The following OPTN variants were observed in gnomAD, a reference collection of about 807,000 sequenced individuals.
OPTN encodes E3-14.7K-interacting protein.
In OPTN, 54 loss-of-function variants were observed where a neutral mutation model predicts 70.4. The observed-to-expected ratio is 0.77, with a 90% CI of 0.62 to 0.96. The LOEUF (loss-of-function observed/expected upper bound fraction) is 0.96, where lower values mean the gene tolerates loss of function less well. OPTN is among the 40% of genes least tolerant of loss of function. The probability of loss-of-function intolerance (pLI) is 0.00; values close to 1 mark genes in which losing one functional copy is unlikely to be tolerated. For missense variants in OPTN, 624 were observed against 673.2 expected, an observed-to-expected ratio of 0.93 and a Z score of 0.81; for synonymous variants, 256 against 248.5, an observed-to-expected ratio of 1.03 and a Z score of -0.28.
intron 5 of OPTN, among the ~76,000 whole-genome samples, chr10:13,114,711 A>C (rs1346186553): frequency 4.4e-5 from 6 of 134,894 alleles, no homozygotes; most frequent in African/African-American, 1.6e-4. Flanking sequence ...TGAATATATA[A>C]TATATTCTAT....
At chr10:13,110,658 A>T (rs75860863) in intron 4 of OPTN, among the ~76,000 whole-genome samples, 182 bp downstream of exon 4, 1 of 152,166 alleles carries the variant, frequency 6.6e-6, no homozygotes, top group African/African-American at 2.4e-5. Context: ...AGGGTCATGG[A>T]TAATCTCTTT....
chr10:13,128,126 T>C (rs922228070), intron 12 of OPTN, among the ~76,000 whole-genome samples: 6 of 152,274 alleles, frequency 3.9e-5, no homozygotes, highest in African/African-American at 1.2e-4. Context: ...TGTGGCATTA[T>C]GATTAACGTT....
At chr10:13,127,946 G>C in intron 12 of OPTN, 43 bp downstream of exon 12, 2 of 1,604,944 alleles carry the variant, frequency 1.2e-6, no homozygotes, top group Non-Finnish European at 1.7e-6. Context: ...GGCCAGCCCT[G>C]ACTGTATTCT....
rs759174429 is a variant in OPTN at position 13,122,373 on chromosome 10, G to A, written c.780-12G>A. ...AGAGAAAGTAACTTTTCTATCTTCT[G>A]TGATTTTCCAGAGTTTCAGATTTTG... On this transcript the variant is annotated splice_polypyrimidine_tract_variant and intron_variant, in intron 7 of 14. Transcript: ENST00000378747. The A allele has an allele frequency of 2.5e-6, 4 of 1,586,816 alleles. No individual in the cohort carries two copies. In the Admixed American group the frequency reaches 5.0e-5, roughly 20 times the overall value.
intron 12 of OPTN, among the ~76,000 whole-genome samples, chr10:13,128,407 T>C (rs1833514995): frequency 6.6e-6 from 1 of 151,674 alleles, no homozygotes; most frequent in Non-Finnish European, 1.5e-5. Context: ...CTCATTTAAT[T>C]TGCATTTCCC....
chr10:13,125,562 T>C lies in OPTN; in HGVS notation c.1143T>C (p.Asp381=). 6.2e-7 allele frequency: 1 copy of C among 1,614,046 alleles called. No homozygotes were observed. The highest frequency in any genetic ancestry group is 8.5e-7 in the Non-Finnish European group (1 of 1,179,990). ...EIKMEQAKTE[D]EKSKLTVLQM... ...AAATGGAACAGGCTAAAACAGAGGA[T>C]GAAAAGTGAGTATGTTGAGTCAGAA... is the stretch of plus-strand genomic sequence containing the variant. The change falls in exon 10 of 15, where the codon GAT becomes GAC. Residue 381 remains aspartate, a synonymous_variant. Coordinates refer to ENST00000378747, the MANE Select transcript of OPTN (RefSeq NM_001008212.2).
Position 13,137,724 on chromosome 10 carries a change from C to G in OPTN, c.*858C>G, listed in dbSNP as rs1833727340. The G allele has an allele frequency of 4.4e-6, 1 of 229,884 alleles. No homozygotes were observed. The highest frequency in any genetic ancestry group is 1.8e-4 in the South Asian group (1 of 5,512). The allele number at this position is 229,884 out of a possible 1,614,324, so 14.2% of individuals were successfully genotyped here. A position where few individuals can be genotyped will look rare whatever the true frequency, so the allele number is the denominator to read the frequency against. ...CCAAAGTTTTCACATAGGCAGTTAG[C>G]CTTTACTTAATATCAAGACAAGTGA... On this transcript the variant is annotated 3_prime_UTR_variant, in exon 15 of 15. Coordinates refer to ENST00000378747, the MANE Select transcript of OPTN (RefSeq NM_001008212.2).
At chr10:13,104,681 A>C (rs1483113953) in intron 1 of OPTN, 5 of 690,556 alleles carry the variant, frequency 7.2e-6, no homozygotes, top group African/African-American at 1.8e-5. Flanking sequence ...ATCTATCACA[A>C]GATTCATAAA....
At chr10:13,119,642 C>T (rs961008208) in intron 7 of OPTN, among the ~76,000 whole-genome samples, 23 of 152,208 alleles carry the variant, frequency 1.5e-4, no homozygotes, top group Non-Finnish European at 2.5e-4. Context: ...TTTTCCAAAG[C>T]AGCTGCGCCA....
intron 8 of OPTN, 144 bp from the exon 9 acceptor site, chr10:13,123,851 A>T (rs990709659): frequency 1.5e-6 from 1 of 677,728 alleles, no homozygotes; most frequent in East Asian, 2.8e-5. Context: ...TTCCTACACA[A>T]TGTTTGGGGT....
chr10:13,126,283 C>CCTTTTTTTTTTTTTT lies in OPTN; in HGVS notation c.1242+244_1242+245insCTTTTTTTTTTTTTT, dbSNP rs771767144. 2.7e-4 allele frequency among the ~76,000 whole-genome samples: 38 copies of CCTTTTTTTTTTTTTT among 139,058 alleles called. 3 individuals are homozygous for CCTTTTTTTTTTTTTT. The highest frequency in any genetic ancestry group is 9.8e-4 in the African/African-American group (36 of 36,716). 91.2% of individuals were successfully genotyped at this position (139,058 alleles called of 152,430 possible). A position where few individuals can be genotyped will look rare whatever the true frequency, so the allele number is the denominator to read the frequency against. Reference sequence around the variant, plus strand: ...GTCAGGGATTAAGCACTTCGTATTTCTTTTTTTTTTTTTTTGAGACGGAGT... The same window carrying CCTTTTTTTTTTTTTT: ...GTCAGGGATTAAGCACTTCGTATTTCCTTTTTTTTTTTTTTTTTTTTTTTTTTTTTGAGACGGAGT... On this transcript the variant is annotated intron_variant, in intron 11 of 14. Transcript: ENST00000378747.
chr10:13,125,585 G>C lies in OPTN; in HGVS notation c.1148+18G>C, dbSNP rs772160796. On this transcript the variant is annotated intron_variant, in intron 10 of 14. Coordinates refer to ENST00000378747, the MANE Select transcript of OPTN (RefSeq NM_001008212.2). Reference sequence around the variant, plus strand: ...GATGAAAAGTGAGTATGTTGAGTCAGAAGGGCAGCGACGGGGCAGAGGAGG... The same window carrying C: ...GATGAAAAGTGAGTATGTTGAGTCACAAGGGCAGCGACGGGGCAGAGGAGG... The C allele has an allele frequency of 6.2e-7, 1 of 1,614,036 alleles. No homozygotes were observed. Among genetic ancestry groups the C allele is most frequent in the South Asian group, 1.1e-5 (1 of 91,022 alleles).
At chr10:13,118,776 A>G in intron 6 of OPTN, 112 bp from the exon 7 acceptor site, 1 of 923,530 alleles carries the variant, frequency 1.1e-6, no homozygotes, top group Non-Finnish European at 1.8e-6. Flanking sequence ...AATTAGTTGG[A>G]GAATGTTCTG....
rs1833102379 is a variant in OPTN at position 13,114,814 on chromosome 10, T to TATATATATATATATATATATATAACGTA, written c.553-1453_553-1452insATATATATATATATATATATATAACGTA. ...TATAATTATATATACATATATATAA[T>TATATATATATATATATATATATAACGTA]TATATAATTATATAATTATATAATT... On this transcript the variant is annotated intron_variant, in intron 5 of 14. Transcript: ENST00000378747. 3.0e-5 allele frequency among the ~76,000 whole-genome samples: 2 copies of TATATATATATATATATATATATAACGTA among 66,690 alleles called. 1 individual carries two copies. The allele number at this position is 66,690 out of a possible 152,430, so 43.8% of individuals were successfully genotyped here.
intron 6 of OPTN, among the ~76,000 whole-genome samples, chr10:13,118,628 CTG>C (rs1383336398): frequency 1.3e-5 from 2 of 152,152 alleles, no homozygotes; most frequent in African/African-American, 4.8e-5. Context: ...TACACAGTGA[CTG>C]TTTGGAGGAC....
chr10:13,115,049 A>G (rs1421118390), intron 5 of OPTN, among the ~76,000 whole-genome samples: 1 of 91,260 alleles, frequency 1.1e-5, no homozygotes, highest in African/African-American at 4.5e-5. Flanking sequence ...TTATATATAG[A>G]TATATCTATA....
At chr10:13,104,254 CTTTTTT>C (rs60982439) in intron 1 of OPTN, among the ~76,000 whole-genome samples, 3 of 97,836 alleles carry the variant, frequency 3.1e-5, no homozygotes, top group Admixed American at 1.4e-4. Flanking sequence ...GTTTTTTTTT[CTTTTTT>C]TTTTTTTTTT....
chr10:13,122,900 C>A (rs1833382281), intron 8 of OPTN: 1 of 241,156 alleles, frequency 4.1e-6, no homozygotes, highest in Non-Finnish European at 8.3e-6. Flanking sequence ...TGGTCTTGAT[C>A]TCTTGACCTC....
Position 13,137,363 on chromosome 10 carries a change from G to A in OPTN, c.*497G>A, listed in dbSNP as rs1833721684. 1 of 250,460 alleles carries A rather than the reference G, an allele frequency of 4.0e-6. No individual in the cohort carries two copies. The allele number at this position is 250,460 out of a possible 1,614,324, so 15.5% of individuals were successfully genotyped here. On this transcript the variant is annotated 3_prime_UTR_variant, in exon 15 of 15. Coordinates refer to ENST00000378747, the MANE Select transcript of OPTN (RefSeq NM_001008212.2). ...TGTTCTACGTAGAACACCTTTGGTG[G>A]AGTTCCATCAACTCGCAAAGTAGAA...
Sources: gnomAD v4.1 joint callset for allele counts (sites outside exome capture counted in the v4.1 genomes callset) on GRCh38, gnomAD v4.1.1 for gene constraint, MANE v1.5 for transcripts, NCBI Gene and HGNC (gene_info 2026-07-23, HGNC 2026-07-21) for gene names.